Variants in RYR3 observed in about 807,000 individuals in gnomAD.
RYR3 encodes the protein ryanodine receptor 3.
Under a neutral mutation model 584.3 loss-of-function variants are expected in RYR3, and 207 were observed. The observed-to-expected ratio is 0.35, with a 90% CI of 0.32 to 0.40. The LOEUF (loss-of-function observed/expected upper bound fraction) is 0.40, where lower values mean the gene tolerates loss of function less well. RYR3 is among the 10% of genes least tolerant of loss of function. RYR3 has a pLI of 1.00. For synonymous variants in RYR3, 2,416 were observed against 2,248.5 expected (o/e 1.07, Z -2.11); for missense variants, 5,616 against 6,089.2 (o/e 0.92, Z 2.59).
chr15:33,397,318 G>T (rs1462678389), intron 1 of RYR3, among the ~76,000 whole-genome samples: 4 of 152,176 alleles, frequency 2.6e-5, no homozygotes, highest in Non-Finnish European at 1.5e-5. Context: ...TCATAAAGGT[G>T]ATACGGACAC....
Position 33,696,421 on chromosome 15 carries a change from G to A in RYR3, c.6064G>A (p.Gly2022Ser), listed in dbSNP as rs374589971. The change falls in exon 39 of 104, where the codon GGC (glycine) becomes AGC (serine). Residue 2022 changes from glycine to serine, a missense_variant. Around this residue, in one of 9 missense-constraint regions of RYR3, gnomAD observed 1,280 missense variants for 1,426.2 expected, o/e 0.90. Transcript: ENST00000634891. ...CACCATCAACCTGCTGGCTGCCCTG[G>A]GCCAAATCCGCTCCCTCCTCAGTGT... ...SDTINLLAAL[G>S]QIRSLLSVRM... is the part of the protein sequence containing the mutation. The A allele has an allele frequency of 1.1e-5, 18 of 1,613,898 alleles. No homozygotes were observed. The highest frequency in any genetic ancestry group is 1.5e-5 in the Non-Finnish European group (18 of 1,179,872).
chr15:33,396,951 A>G (rs889174666), intron 1 of RYR3, among the ~76,000 whole-genome samples: 1 of 152,212 alleles, frequency 6.6e-6, no homozygotes, highest in Non-Finnish European at 1.5e-5. Context: ...TTTTCTGGTA[A>G]TGAAACAAAG....
intron 1 of RYR3, among the ~76,000 whole-genome samples, chr15:33,346,502 A>T (rs934156061): frequency 2.6e-5 from 4 of 152,240 alleles, no homozygotes; most frequent in African/African-American, 9.6e-5. Context: ...AGGAGAGCAC[A>T]GTGGTTTATG....
rs1393496559 is a variant in RYR3, at chr15:33,728,887, C to T, written c.7064C>T (p.Ala2355Val). Residue 2355 changes from alanine (A) to valine (V), a missense_variant, in exon 47 of 104, where the codon GCC becomes GTC. This residue lies in a region of RYR3 where 1,280 missense variants were observed against 1,426.2 expected (regional missense o/e 0.90). Coordinates refer to ENST00000634891, the MANE Select transcript of RYR3 (RefSeq NM_001036.6). The stretch of plus-strand genomic sequence containing the variant: ...TCGGTCAGTGAGCCAGATATGGCGG[C>T]CAATTTCTGCCCTGACCACAAGGCA... ...DGSVSEPDMA[A>V]NFCPDHKAPM... is the part of the protein sequence containing the mutation. 6.2e-7 allele frequency: 1 copy of T among 1,612,588 alleles called. No individual in the cohort carries two copies. The highest frequency in any genetic ancestry group is 2.2e-5 in the East Asian group (1 of 44,872).
At chr15:33,373,270 C>T (rs1187548599) in intron 1 of RYR3, among the ~76,000 whole-genome samples, 4 of 152,166 alleles carry the variant, frequency 2.6e-5, no homozygotes, top group African/African-American at 9.7e-5. Flanking sequence ...TACATCTTTC[C>T]TCTTCCCTTT....
chr15:33,821,069 A>T (rs1210253675), intron 78 of RYR3, among the ~76,000 whole-genome samples: 2 of 151,868 alleles, frequency 1.3e-5, no homozygotes, highest in African/African-American at 4.8e-5. Context: ...TGGAAAATGT[A>T]CCATCAAAAT....
At position 33,390,774 on chromosome 15, in the gene RYR3, A is replaced by AG. The variant is rs1192133829; in HGVS notation, c.51+79681dup. 2.0e-5 allele frequency among the ~76,000 whole-genome samples: 3 copies of AG among 152,152 alleles called. No homozygotes were observed. Among genetic ancestry groups the AG allele is most frequent in the African/African-American group, 7.2e-5 (3 of 41,434 alleles). ...TAGAAGAGCGGTACTTGCTAGTCAG[A>AG]GGGTGCTTCTGTGACCATACCCCAA... On this transcript the variant is annotated intron_variant, in intron 1 of 103. Coordinates refer to ENST00000634891, the MANE Select transcript of RYR3 (RefSeq NM_001036.6). This position sits in a 1 kb window ranked among gnomAD's most constrained non-coding sequence, Gnocchi z 4.2.
chr15:33,517,243 T>G, intron 3 of RYR3, among the ~76,000 whole-genome samples: 1 of 152,366 alleles, frequency 6.6e-6, no homozygotes. Context: ...TCCACGCACC[T>G]TGGCCTCCCA....
chr15:33,826,301 C>T (rs147715983), intron 83 of RYR3, 32 bp downstream of exon 83: 22 of 1,608,762 alleles, frequency 1.4e-5, no homozygotes, highest in South Asian at 3.3e-5. Context: ...GAGTTCCTAC[C>T]GTGTGTGAAT....
intron 13 of RYR3, 108 bp from the exon 14 acceptor site, chr15:33,581,400 T>C (rs773935147): frequency 3.6e-5 from 41 of 1,130,980 alleles, no homozygotes; most frequent in East Asian, 9.5e-5. Context: ...TATTTGCATA[T>C]TGGCATTTTC....
chr15:33,843,943 C>G (rs2152987116), intron 92 of RYR3, among the ~76,000 whole-genome samples: 1 of 152,166 alleles, frequency 6.6e-6, no homozygotes, highest in East Asian at 1.9e-4. Flanking sequence ...TTATAGTTGG[C>G]CTATTTGTTA....
rs187304100 is a variant in RYR3 at position 33,523,275 on chromosome 15, C to G, written c.280-7317C>G. 1.3e-3 allele frequency among the ~76,000 whole-genome samples: 191 copies of G among 152,274 alleles called. 1 individual carries two copies. Among genetic ancestry groups the G allele is most frequent in the African/African-American group, 4.2e-3 (175 of 41,554 alleles). On this transcript the variant is annotated intron_variant, in intron 3 of 103. Coordinates refer to ENST00000634891, the MANE Select transcript of RYR3 (RefSeq NM_001036.6). The stretch of plus-strand genomic sequence containing the variant: ...GCCAGCAGCGGCAACCTGCTGGTGT[C>G]CCCTTCCACGCAGTGGAAGCTTTGG...
intron 30 of RYR3, among the ~76,000 whole-genome samples, chr15:33,648,685 C>T (rs112458953): frequency 6.6e-6 from 1 of 152,210 alleles, no homozygotes; most frequent in Non-Finnish European, 1.5e-5. Flanking sequence ...GGACTGTGCC[C>T]GCTCTCTCCT....
chr15:33,794,129 T>A (rs60158269), intron 67 of RYR3, among the ~76,000 whole-genome samples: 7 of 49,004 alleles, frequency 1.4e-4, no homozygotes, highest in Non-Finnish European at 1.9e-4. Context: ...AAATATATAT[T>A]TATATATAAT....
In RYR3 at chr15:33,644,464, T is replaced by C; in HGVS notation, c.3710T>C (p.Phe1237Ser). The change falls in exon 28 of 104, where the codon TTC (phenylalanine) becomes TCC (serine). Residue 1237 changes from phenylalanine (F) to serine (S), a missense_variant. Around this residue, in one of 9 missense-constraint regions of RYR3, gnomAD observed 152 missense variants for 200.9 expected, o/e 0.76. Coordinates refer to ENST00000634891, the MANE Select transcript of RYR3 (RefSeq NM_001036.6). The stretch of plus-strand genomic sequence containing the variant: ...ATGAACAGAGATGTTGCTATGTGGT[T>C]CAGCAAGCGCCTCCCGACGTTTGTC... ...VNMNRDVAMW[F>S]SKRLPTFVNV... 1 of 1,613,990 alleles carries C rather than the reference T, an allele frequency of 6.2e-7. No individual in the cohort carries two copies. The highest frequency in any genetic ancestry group is 8.5e-7 in the Non-Finnish European group (1 of 1,179,876).
chr15:33,448,586 C>G (rs182118503), intron 1 of RYR3, among the ~76,000 whole-genome samples: 3 of 152,202 alleles, frequency 2.0e-5, no homozygotes, highest in African/African-American at 7.2e-5. Context: ...AAAGTATGTA[C>G]AAGAGTTTCC....
At chr15:33,655,363 T>G (rs1272104983) in intron 32 of RYR3, among the ~76,000 whole-genome samples, 2 of 152,324 alleles carry the variant, frequency 1.3e-5, no homozygotes, top group East Asian at 3.9e-4. Flanking sequence ...CTCCCTGAGC[T>G]GCAGAGGACG....
intron 69 of RYR3, among the ~76,000 whole-genome samples, chr15:33,804,417 C>T (rs567488976): frequency 6.6e-6 from 1 of 152,290 alleles, no homozygotes; most frequent in African/African-American, 2.4e-5. Context: ...AGTCTTGCCC[C>T]TGGCCCAGCT....
intron 87 of RYR3, 56 bp from the exon 88 acceptor site, chr15:33,836,850 C>A: frequency 1.4e-6 from 2 of 1,427,528 alleles, no homozygotes; most frequent in Non-Finnish European, 2.0e-6. Flanking sequence ...CGCTCACTGC[C>A]CTGTACTTTA....
Sources: allele counts gnomAD v4.1 joint callset (sites outside exome capture counted in the v4.1 genomes callset), GRCh38; gene constraint gnomAD v4.1.1; regional missense constraint gnomAD v4.1.1; non-coding constraint Gnocchi (gnomAD v3.1); transcripts MANE v1.5; gene names NCBI Gene and HGNC (gene_info 2026-07-23, HGNC 2026-07-21).